Variants in RASA1 observed in about 807,000 individuals in gnomAD.
The protein encoded by RASA1 is RAS p21 protein activator 1.
A neutral mutation model predicts 132.2 loss-of-function variants in RASA1; 25 were observed. The ratio of observed to expected loss-of-function variants is 0.19; its 90% CI spans 0.14 to 0.26. RASA1 has a LOEUF of 0.26. Ranked by LOEUF, RASA1 falls within the 10% of genes least tolerant of loss-of-function variation. RASA1 has a pLI of 1.00. For missense variants in RASA1, 964 were observed against 1,299.2 expected, an observed-to-expected ratio of 0.74 and a Z score of 3.97; for synonymous variants, 477 against 449.9, an observed-to-expected ratio of 1.06 and a Z score of -0.76.
chr5:87,278,961 G>A (rs1475336158), intron 1 of RASA1, among the ~76,000 whole-genome samples: 1 of 137,202 alleles, frequency 7.3e-6, no homozygotes, highest in Admixed American at 8.2e-5. Context: ...AAGATTATGC[G>A]GGCTGGGTGC....
At chr5:87,368,868 G>T (rs1331135602) in intron 11 of RASA1, among the ~76,000 whole-genome samples, 1 of 152,124 alleles carries the variant, frequency 6.6e-6, no homozygotes, top group African/African-American at 2.4e-5. Flanking sequence ...TTGTTCTCCA[G>T]TGCTTTCAAA....
Position 87,278,577 on chromosome 5 carries a change from G to C in RASA1, c.539+9587G>C, listed in dbSNP as rs184470708. On this transcript the variant is annotated intron_variant, in intron 1 of 24. Coordinates refer to ENST00000274376, the MANE Select transcript of RASA1 (RefSeq NM_002890.3). ...AAAGAAAAGAAAAAGTAATAAGTTA[G>C]AGATGTACTTGTTCATCCATTTTAC... Among the ~76,000 whole-genome samples, 57 of 152,000 alleles carry C rather than the reference G, an allele frequency of 3.8e-4. 1 individual carries two copies. The East Asian group carries it at 8.3e-3, about 22-fold the overall frequency.
chr5:87,385,233 A>C (rs1430450816), intron 21 of RASA1, 68 bp from the exon 22 acceptor site: 2 of 1,019,326 alleles, frequency 2.0e-6, no homozygotes, highest in African/African-American at 3.2e-5. Context: ...AAAGTGCTAA[A>C]TTTATAATGG....
intron 5 of RASA1, among the ~76,000 whole-genome samples, chr5:87,341,066 T>C (rs1464112425): frequency 6.6e-6 from 1 of 151,994 alleles, no homozygotes; most frequent in Non-Finnish European, 1.5e-5. Context: ...AGTTGGGCTG[T>C]TGTTTAAGAA....
In RASA1 at chr5:87,362,535, G is replaced by GT. The variant is rs775819060; in HGVS notation, c.1333-10dup. On this transcript the variant is annotated splice_polypyrimidine_tract_variant and intron_variant, in intron 9 of 24. Coordinates refer to ENST00000274376, the MANE Select transcript of RASA1 (RefSeq NM_002890.3). ...CAAGAATGTATGAAATAATTTTAAT[G>GT]TTTTTTAAAATTCAGGATCAAGAAC... 43 of 1,579,100 alleles carry GT rather than the reference G, an allele frequency of 2.7e-5. No homozygotes were observed. Among genetic ancestry groups the GT allele is most frequent in the Non-Finnish European group, 3.6e-5 (41 of 1,149,762 alleles).
rs142023196 is a variant in RASA1 at position 87,295,725 on chromosome 5, C to T, written c.539+26735C>T. Among the ~76,000 whole-genome samples the T allele has an allele frequency of 2.8e-3, 418 of 151,714 alleles. 5 individuals are homozygous for T. The highest frequency in any genetic ancestry group is 8.2e-3 in the East Asian group (42 of 5,152). On this transcript the variant is annotated intron_variant, in intron 1 of 24. Coordinates refer to ENST00000274376, the MANE Select transcript of RASA1 (RefSeq NM_002890.3). Reference sequence around the variant, plus strand: ...TAGGGTTTTGCCATGTTGCCCAGGCCGGTCTCAAATTCCTGGGCTAAAGCA... The same window carrying T: ...TAGGGTTTTGCCATGTTGCCCAGGCTGGTCTCAAATTCCTGGGCTAAAGCA...
intron 12 of RASA1, 23 bp downstream of exon 12, chr5:87,369,923 T>A: frequency 6.5e-7 from 1 of 1,545,844 alleles, no homozygotes; most frequent in Non-Finnish European, 8.9e-7. Flanking sequence ...TTTCTCAAAC[T>A]ACAGTATACT....
intron 23 of RASA1, 137 bp downstream of exon 23, chr5:87,387,040 C>A: frequency 1.4e-6 from 1 of 739,460 alleles, no homozygotes; most frequent in Non-Finnish European, 2.3e-6. Context: ...TTTTGTCTGC[C>A]TTCCTAAACA....
At chr5:87,331,212 A>T (rs1489029763) in intron 1 of RASA1, 136 bp from the exon 2 acceptor site, 1 of 1,053,422 alleles carries the variant, frequency 9.5e-7, no homozygotes, top group Non-Finnish European at 1.5e-6. Flanking sequence ...AAATTGGAAT[A>T]ACTGGTTCAG....
At chr5:87,323,358 G>A (rs1199191404) in intron 1 of RASA1, among the ~76,000 whole-genome samples, 1 of 152,102 alleles carries the variant, frequency 6.6e-6, no homozygotes, top group Admixed American at 6.5e-5. Flanking sequence ...AACTTGTTTG[G>A]GATATAAGCC....
At chr5:87,388,119 T>C (rs1052809362) in intron 23 of RASA1, among the ~76,000 whole-genome samples, 1 of 152,224 alleles carries the variant, frequency 6.6e-6, no homozygotes, top group Non-Finnish European at 1.5e-5. Context: ...GTATCTGTGA[T>C]ATATAATTCT....
intron 1 of RASA1, among the ~76,000 whole-genome samples, chr5:87,329,676 G>C (rs1757472522): frequency 6.6e-6 from 1 of 152,122 alleles, no homozygotes; most frequent in East Asian, 1.9e-4. Context: ...TAAAAATAGA[G>C]ATTTTTAAAA....
intron 21 of RASA1, 63 bp from the exon 22 acceptor site, chr5:87,385,213 AAGAAATATTAAAGTGCTAAATTTAT>A: frequency 5.7e-6 from 5 of 872,862 alleles, no homozygotes; most frequent in Non-Finnish European, 9.7e-6. Flanking sequence ...TTTAACAGTA[AAGAAATATTAAAGTGCTAAATTTAT>A]AATGGTTTAG....
chr5:87,367,949 A>G (rs1166331614), intron 11 of RASA1, among the ~76,000 whole-genome samples: 1 of 152,080 alleles, frequency 6.6e-6, no homozygotes, highest in Non-Finnish European at 1.5e-5. Flanking sequence ...TTTAGTGGGA[A>G]AACTAAAATG....
chr5:87,310,841 T>C (rs1283188882), intron 1 of RASA1, among the ~76,000 whole-genome samples: 1 of 152,196 alleles, frequency 6.6e-6, no homozygotes, highest in East Asian at 1.9e-4. Flanking sequence ...AATGTAGTAA[T>C]TGCATTAATG....
intron 17 of RASA1, among the ~76,000 whole-genome samples, chr5:87,377,733 A>T (rs546545110): frequency 8.5e-5 from 13 of 152,296 alleles, no homozygotes; most frequent in African/African-American, 3.1e-4. Flanking sequence ...TTAATGGCTT[A>T]CAAAATAATC....
At chr5:87,356,058 T>C (rs1278657738) in intron 9 of RASA1, among the ~76,000 whole-genome samples, 2 of 152,196 alleles carry the variant, frequency 1.3e-5, no homozygotes, top group East Asian at 3.9e-4. Context: ...CCTGTGAAGA[T>C]CCTGTGATCG....
intron 1 of RASA1, among the ~76,000 whole-genome samples, chr5:87,306,193 G>A (rs1580222341): frequency 1.3e-5 from 2 of 152,126 alleles, no homozygotes; most frequent in South Asian, 4.1e-4. Flanking sequence ...CACTCTTCAC[G>A]GTAGCAGAGA....
At chr5:87,275,074 G>A (rs1212245068) in intron 1 of RASA1, among the ~76,000 whole-genome samples, 1 of 152,172 alleles carries the variant, frequency 6.6e-6, no homozygotes, top group East Asian at 1.9e-4. Context: ...CCATAAATTA[G>A]GAAGGGAAAA....
Sources: gnomAD v4.1 joint callset for allele counts (sites outside exome capture counted in the v4.1 genomes callset) on GRCh38, gnomAD v4.1.1 for gene constraint, MANE v1.5 for transcripts, NCBI Gene and HGNC (gene_info 2026-07-23, HGNC 2026-07-21) for gene names.